Variants in XPO6 observed in about 807,000 individuals in gnomAD.
XPO6 encodes exportin 6, also known as exportin-6.
In XPO6, 3 loss-of-function variants were observed where a neutral mutation model predicts 130.0. The observed-to-expected ratio is 0.02, with a 90% confidence interval of 0.01 to 0.06. XPO6 has a LOEUF of 0.06. Among genes scored for constraint, XPO6 ranks in the 10% least tolerant of loss-of-function variants. The pLI, the probability that XPO6 is intolerant of heterozygous loss-of-function variation, is 1.00. For synonymous variants in XPO6, 524 were observed against 548.9 expected (o/e 0.95, Z 0.63); for missense variants, 970 against 1,393.0 (o/e 0.70, Z 4.83).
intron 12 of XPO6, among the ~76,000 whole-genome samples, chr16:28,130,332 T>C (rs1263689476): frequency 6.6e-6 from 1 of 152,160 alleles, no homozygotes; most frequent in Non-Finnish European, 1.5e-5. Flanking sequence ...AAGGCTGGGC[T>C]AGAAAGTAAA....
At chr16:28,188,671 C>CAAA (rs144107071) in intron 1 of XPO6, among the ~76,000 whole-genome samples, 1 of 65,658 alleles carries the variant, frequency 1.5e-5, no homozygotes, top group African/African-American at 5.7e-5. Context: ...TTCACCACTG[C>CAAA]AAAAAAAAAA....
rs527965222 is a variant in XPO6, at chr16:28,121,589, T to G, written c.1859+81A>C. ...CCTGATTCATGGCAGCCACTACTGT[T>G]CCTTTTTCTCAATCAAATTATTTGG... is the stretch of plus-strand genomic sequence containing the variant. On this transcript the variant is annotated intron_variant, in intron 14 of 23. Transcript: ENST00000304658. 2.8e-6 allele frequency: 3 copies of G among 1,056,440 alleles called. No individual in the cohort carries two copies. The East Asian group carries it at 7.1e-5, about 25-fold the overall frequency. 65.4% of individuals were successfully genotyped at this position (1,056,440 alleles called of 1,614,324 possible).
chr16:28,114,719 T>C (rs1008225912), intron 15 of XPO6, among the ~76,000 whole-genome samples: 1 of 152,188 alleles, frequency 6.6e-6, no homozygotes, highest in African/African-American at 2.4e-5. Context: ...ACAATGAAGT[T>C]TGCTGCATCG....
chr16:28,112,680 GAGGTGCTTTTCC>G (rs2086955432), intron 16 of XPO6, among the ~76,000 whole-genome samples: 1 of 152,262 alleles, frequency 6.6e-6, no homozygotes, highest in Admixed American at 6.5e-5. Flanking sequence ...TGCACACTGG[GAGGTGCTTTTCC>G]ACGCCTCAAT....
At chr16:28,148,069 T>C (rs955438252) in intron 8 of XPO6, among the ~76,000 whole-genome samples, 1 of 152,204 alleles carries the variant, frequency 6.6e-6, no homozygotes, top group African/African-American at 2.4e-5. Context: ...ACCAAGGTTA[T>C]CCCTCCTTGG....
At chr16:28,141,540 C>T (rs1042533347) in intron 9 of XPO6, among the ~76,000 whole-genome samples, 4 of 152,136 alleles carry the variant, frequency 2.6e-5, no homozygotes, top group African/African-American at 4.8e-5. Flanking sequence ...AAGGAAAATC[C>T]GGGCCTTTCC....
In XPO6 at chr16:28,132,255, G is replaced by T; in HGVS notation, c.1606+79C>A. ...GCAGTGAAGAAATCATGTTCCGACAGCAACGGCAGCAGTAATGAAATATCA... is the reference window on the plus strand; with the variant it reads ...GCAGTGAAGAAATCATGTTCCGACATCAACGGCAGCAGTAATGAAATATCA... On this transcript the variant is annotated intron_variant, in intron 12 of 23. Transcript: ENST00000304658. The surrounding 1 kb of genome is among the most constrained non-coding windows in gnomAD (Gnocchi z 4.0). 1 of 1,092,298 alleles carries T rather than the reference G, an allele frequency of 9.2e-7. No homozygotes were observed. Among genetic ancestry groups the T allele is most frequent in the Non-Finnish European group, 1.4e-6 (1 of 738,420 alleles). 67.7% of individuals were successfully genotyped at this position (1,092,298 alleles called of 1,614,324 possible). A position where few individuals can be genotyped will look rare whatever the true frequency, so the allele number is the denominator to read the frequency against.
At chr16:28,147,322 A>G (rs1413424035) in intron 8 of XPO6, among the ~76,000 whole-genome samples, 1 of 152,110 alleles carries the variant, frequency 6.6e-6, no homozygotes, top group Non-Finnish European at 1.5e-5. Context: ...CAGCATTATG[A>G]GAGGCCACGG....
In XPO6 at chr16:28,196,002, G is replaced by A. The variant is rs555171192; in HGVS notation, c.4-14971C>T. Among the ~76,000 whole-genome samples the A allele has an allele frequency of 2.6e-5, 4 of 152,262 alleles. No individual in the cohort carries two copies. In the East Asian group the frequency reaches 7.7e-4, roughly 29 times the overall value. On this transcript the variant is annotated intron_variant, in intron 1 of 23. Transcript: ENST00000304658. ...CACTCCAAATCAAGGTAAATGCCTA[G>A]AAGTTTTCTGTTTATTCCACCATGG...
intron 10 of XPO6, among the ~76,000 whole-genome samples, chr16:28,134,741 C>G (rs2042742351): frequency 6.6e-6 from 1 of 152,154 alleles, no homozygotes; most frequent in Non-Finnish European, 1.5e-5. Context: ...TAATGTTGGG[C>G]ACATCAGCAT....
chr16:28,182,878 C>T (rs2043640395), intron 1 of XPO6, among the ~76,000 whole-genome samples: 1 of 138,238 alleles, frequency 7.2e-6, no homozygotes, highest in African/African-American at 2.7e-5. Flanking sequence ...GTCTGGTGTG[C>T]CATTTCATTT....
chr16:28,116,977 A>G (rs1427917411), intron 15 of XPO6: 1 of 226,186 alleles, frequency 4.4e-6, no homozygotes, highest in Non-Finnish European at 9.0e-6. Context: ...GTGCAATAAA[A>G]TGAGGTGTGC....
intron 6 of XPO6, among the ~76,000 whole-genome samples, chr16:28,163,877 C>A (rs541328722): frequency 6.6e-6 from 1 of 152,304 alleles, no homozygotes; most frequent in African/African-American, 2.4e-5. Context: ...CGATGCAACC[C>A]CTGGCAAGCT....
chr16:28,183,441 A>C (rs1567642965), intron 1 of XPO6: 1 of 152,046 alleles, frequency 6.6e-6, no homozygotes, highest in Non-Finnish European at 1.5e-5. Flanking sequence ...AAAAAAAAAA[A>C]AAAAAAAACC....
At chr16:28,194,419 T>C (rs966929352) in intron 1 of XPO6, among the ~76,000 whole-genome samples, 3 of 152,180 alleles carry the variant, frequency 2.0e-5, no homozygotes, top group Non-Finnish European at 2.9e-5. Context: ...AGTAAGAGTT[T>C]GGGACTAGAC....
intron 7 of XPO6, 62 bp downstream of exon 7, chr16:28,156,012 A>G: frequency 1.3e-6 from 2 of 1,537,284 alleles, no homozygotes; most frequent in Non-Finnish European, 8.7e-7. Context: ...CATGCAGCAC[A>G]GCATGGTAAA....
At chr16:28,182,230 T>C (rs1405715157) in intron 1 of XPO6, among the ~76,000 whole-genome samples, 1 of 152,188 alleles carries the variant, frequency 6.6e-6, no homozygotes, top group Non-Finnish European at 1.5e-5. Context: ...CACTCAAATG[T>C]GTCACATGTC....
chr16:28,101,529 A>G lies in XPO6; in HGVS notation c.3205T>C (p.Phe1069Leu). 1 of 1,614,052 alleles carries G rather than the reference A, an allele frequency of 6.2e-7. No individual in the cohort carries two copies. Among genetic ancestry groups the G allele is most frequent in the Non-Finnish European group, 8.5e-7 (1 of 1,179,998 alleles). ...TCCACACCATCACAGCTGGTCAGGA[A>G]CTCTGGGAGGAAGGCGGCAAAGAAG... ...DGFFAAFLPEFLTSCDGVDAN... is the reference protein window; with the variant it reads ...DGFFAAFLPELLTSCDGVDAN... The change falls in exon 23 of 24, where the codon TTC becomes CTC. Residue 1069 changes from phenylalanine (F) to leucine (L), a missense_variant. Transcript: ENST00000304658. This position sits in a 1 kb window ranked among gnomAD's most constrained non-coding sequence, Gnocchi z 5.4.
chr16:28,100,109 T>A (rs1347357092), intron 23 of XPO6, among the ~76,000 whole-genome samples: 1 of 152,092 alleles, frequency 6.6e-6, no homozygotes, highest in African/African-American at 2.4e-5. Flanking sequence ...TGCCTCAGCC[T>A]CCCAAGCAGC....
Sources: gnomAD v4.1 joint callset for allele counts (sites outside exome capture counted in the v4.1 genomes callset) on GRCh38, gnomAD v4.1.1 for gene constraint, Gnocchi (gnomAD v3.1) non-coding constraint, MANE v1.5 for transcripts, NCBI Gene and HGNC (gene_info 2026-07-23, HGNC 2026-07-21) for gene names.